The following C10orf90 variants were observed in gnomAD, a reference collection of about 807,000 sequenced individuals.
C10orf90 encodes the protein chromosome 10 open reading frame 90.
C10orf90 carries 56 observed loss-of-function variants against 62.5 expected under a neutral mutation model. The ratio of observed to expected loss-of-function variants is 0.90; its 90% confidence interval spans 0.72 to 1.12. The LOEUF is 1.12. Ranked by LOEUF, C10orf90 falls within the 50% of genes most tolerant of loss-of-function variation. C10orf90 has a pLI of 0.00. For synonymous variants in C10orf90, 386 were observed against 340.4 expected (o/e 1.13, Z -1.47); for missense variants, 970 against 880.4 (o/e 1.10, Z -1.29).
chr10:126,494,541 T>C (rs545084051), intron 4 of C10orf90, among the ~76,000 whole-genome samples: 1 of 152,264 alleles, frequency 6.6e-6, no homozygotes, highest in Admixed American at 6.5e-5. Flanking sequence ...CGCACATGAA[T>C]AGCATTGTCT....
intron 2 of C10orf90, among the ~76,000 whole-genome samples, chr10:126,518,614 C>G (rs1414774045): frequency 6.6e-6 from 1 of 152,096 alleles, no homozygotes; most frequent in East Asian, 1.9e-4. Flanking sequence ...AAAACCAGCT[C>G]AATTAACCAC....
chr10:126,644,282 C>T (rs770953175), intron 2 of C10orf90, among the ~76,000 whole-genome samples: 22 of 152,354 alleles, frequency 1.4e-4, no homozygotes, highest in African/African-American at 5.1e-4. Context: ...CTTAGTCCTG[C>T]GCTGAAGGCT....
rs1027341448 is a variant in C10orf90 at position 126,496,462 on chromosome 10, T to G, written c.1534+7495A>C. Among the ~76,000 whole-genome samples the G allele has an allele frequency of 4.6e-5, 7 of 152,280 alleles. No individual in the cohort carries two copies. The South Asian group carries it at 8.3e-4, about 18-fold the overall frequency. ...AACCTTCAAAATATTTTTGCAACATTGCTTATATATTTTCTCTTCTTTAAC... is the reference window on the plus strand; with the variant it reads ...AACCTTCAAAATATTTTTGCAACATGGCTTATATATTTTCTCTTCTTTAAC... On this transcript the variant is annotated intron_variant, in intron 4 of 9. Transcript: ENST00000488181.
chr10:126,638,748 C>T (rs780074113), intron 2 of C10orf90, among the ~76,000 whole-genome samples: 10 of 152,196 alleles, frequency 6.6e-5, no homozygotes, highest in Non-Finnish European at 1.3e-4. Flanking sequence ...ACCAAAGTCA[C>T]CCCGCCCTCT....
At chr10:126,597,724 A>T (rs1845114984) in intron 2 of C10orf90, among the ~76,000 whole-genome samples, 1 of 152,120 alleles carries the variant, frequency 6.6e-6, no homozygotes, top group Non-Finnish European at 1.5e-5. Flanking sequence ...AATTTAATGA[A>T]TGACTAGATT....
chr10:126,597,480 A>G (rs1352402724), intron 2 of C10orf90, among the ~76,000 whole-genome samples: 1 of 152,244 alleles, frequency 6.6e-6, no homozygotes, highest in South Asian at 2.1e-4. Context: ...CATGCTAATG[A>G]GCCTGGATTT....
At chr10:126,506,623 G>T (rs1450638031) in intron 3 of C10orf90, among the ~76,000 whole-genome samples, 1 of 152,200 alleles carries the variant, frequency 6.6e-6, no homozygotes, top group Non-Finnish European at 1.5e-5. Flanking sequence ...TGGCACCCAG[G>T]CATCTGCATT....
chr10:126,517,317 A>G (rs1414423736), intron 2 of C10orf90, among the ~76,000 whole-genome samples: 1 of 152,248 alleles, frequency 6.6e-6, no homozygotes, highest in East Asian at 1.9e-4. Flanking sequence ...AATCTAAAAA[A>G]ATAGTAAAGT....
At chr10:126,530,325 TAA>T (rs201484503) in intron 2 of C10orf90, among the ~76,000 whole-genome samples, 1 of 148,622 alleles carries the variant, frequency 6.7e-6, no homozygotes, top group Non-Finnish European at 1.5e-5. Context: ...AGGCAGTTCT[TAA>T]AAAAAAACAA....
intron 4 of C10orf90, among the ~76,000 whole-genome samples, chr10:126,492,010 T>C (rs7086951): frequency 0.24 from 36,630 of 151,944 alleles, 4,995 homozygotes; most frequent in African/African-American, 0.37. Context: ...ATGTGAAAAA[T>C]TACCAGAAAC....
intron 2 of C10orf90, among the ~76,000 whole-genome samples, chr10:126,559,351 G>A (rs965186399): frequency 2.6e-5 from 4 of 152,096 alleles, no homozygotes; most frequent in Admixed American, 6.6e-5. Flanking sequence ...TTACATCAGC[G>A]GGCCCCATAT....
intron 2 of C10orf90, among the ~76,000 whole-genome samples, chr10:126,635,773 A>G (rs374223185): frequency 3.3e-5 from 5 of 152,274 alleles, no homozygotes; most frequent in African/African-American, 9.6e-5. Flanking sequence ...GAGCTCCTCC[A>G]CTTTAATCTG....
chr10:126,566,330 G>T (rs1844389023), intron 2 of C10orf90, among the ~76,000 whole-genome samples: 1 of 152,192 alleles, frequency 6.6e-6, no homozygotes, highest in African/African-American at 2.4e-5. Flanking sequence ...TATGTGTCAG[G>T]CACTGTGCTA....
intron 2 of C10orf90, among the ~76,000 whole-genome samples, chr10:126,574,311 AATAG>A (rs1302669404): frequency 6.6e-6 from 1 of 152,194 alleles, no homozygotes; most frequent in Non-Finnish European, 1.5e-5. Flanking sequence ...GAGTTTCTAA[AATAG>A]ATAAGGAAAA....
chr10:126,625,161 C>T (rs561619136), intron 2 of C10orf90, among the ~76,000 whole-genome samples: 10 of 152,274 alleles, frequency 6.6e-5, no homozygotes, highest in South Asian at 2.1e-4. Context: ...CAGACACTCA[C>T]GTGCCATTTC....
At chr10:126,620,322 C>T (rs1324326782) in intron 2 of C10orf90, among the ~76,000 whole-genome samples, 2 of 152,302 alleles carry the variant, frequency 1.3e-5, no homozygotes, top group African/African-American at 2.4e-5. Flanking sequence ...TTTCCCCCTG[C>T]GTCATTGCTG....
chr10:126,589,897 A>G (rs557550740), intron 2 of C10orf90, among the ~76,000 whole-genome samples: 2 of 152,324 alleles, frequency 1.3e-5, no homozygotes, highest in South Asian at 4.1e-4. Context: ...CAATTAAGAC[A>G]CAGAATGGCA....
chr10:126,566,212 A>T (rs1051313125), intron 2 of C10orf90, among the ~76,000 whole-genome samples: 1 of 152,188 alleles, frequency 6.6e-6, no homozygotes, highest in Non-Finnish European at 1.5e-5. Flanking sequence ...ATACTTACAG[A>T]TGGGGTTATA....
chr10:126,526,390 A>G (rs373536531), intron 2 of C10orf90, among the ~76,000 whole-genome samples: 1 of 151,680 alleles, frequency 6.6e-6, no homozygotes, highest in Admixed American at 6.6e-5. Context: ...GACTACAGGC[A>G]CCCACCACCA....
Sources: gnomAD v4.1 joint callset for allele counts (sites outside exome capture counted in the v4.1 genomes callset) on GRCh38, gnomAD v4.1.1 for gene constraint, MANE v1.5 for transcripts, NCBI Gene and HGNC (gene_info 2026-07-23, HGNC 2026-07-21) for gene names.